ZKSCAN1: variants seen among roughly 807,000 people sequenced by gnomAD.
The protein encoded by ZKSCAN1 is zinc finger protein with KRAB and SCAN domains 1.
ZKSCAN1 carries 14 observed loss-of-function variants against 51.6 expected under a neutral mutation model. The observed-to-expected ratio is 0.27, with a 90% confidence interval of 0.18 to 0.42. The LOEUF (loss-of-function observed/expected upper bound fraction) is 0.42, where lower values mean the gene tolerates loss of function less well. ZKSCAN1 is among the 10% of genes least tolerant of loss of function. ZKSCAN1 has a pLI of 1.00. For missense variants in ZKSCAN1, 531 were observed against 710.0 expected (o/e 0.75, Z 2.86); for synonymous variants, 263 against 261.5 (o/e 1.01, Z -0.06).
chr7:100,017,299 T>C (rs1037154658), intron 1 of ZKSCAN1, among the ~76,000 whole-genome samples: 3 of 152,172 alleles, frequency 2.0e-5, no homozygotes, highest in Non-Finnish European at 4.4e-5. Flanking sequence ...CTCGGCTTAC[T>C]GCAACCTCTG....
At chr7:100,030,201 T>G in intron 4 of ZKSCAN1, 48 bp from the exon 5 acceptor site, 2 of 1,597,424 alleles carry the variant, frequency 1.3e-6, no homozygotes, top group Non-Finnish European at 1.7e-6. Context: ...GCAATGGGAT[T>G]GTCCCTGAGT....
Position 100,035,874 on chromosome 7 carries a change from A to G in ZKSCAN1, c.*1677A>G. ...GAGATTGTGAGCTGTGTAAGTAGTCATCGCCACTCAAGTAGGACAAGGGTC... is the reference window on the plus strand; with the variant it reads ...GAGATTGTGAGCTGTGTAAGTAGTCGTCGCCACTCAAGTAGGACAAGGGTC... On this transcript the variant is annotated 3_prime_UTR_variant, in exon 6 of 6. Transcript: ENST00000324306. 2 of 985,446 alleles carry G rather than the reference A, an allele frequency of 2.0e-6. No homozygotes were observed. Among genetic ancestry groups the G allele is most frequent in the Non-Finnish European group, 1.2e-6 (1 of 829,950 alleles). The allele number at this position is 985,446 out of a possible 1,614,324, so 61.0% of individuals were successfully genotyped here.
intron 1 of ZKSCAN1, among the ~76,000 whole-genome samples, chr7:100,016,613 A>G (rs1356523824): frequency 6.6e-6 from 1 of 152,166 alleles, no homozygotes; most frequent in Non-Finnish European, 1.5e-5. Context: ...GGTCAATGTA[A>G]TTGAAGAATT....
Position 100,040,992 on chromosome 7 carries a change from G to C in ZKSCAN1, c.*6795G>C. 1 of 985,332 alleles carries C rather than the reference G, an allele frequency of 1.0e-6. No homozygotes were observed. Among genetic ancestry groups the C allele is most frequent in the South Asian group, 4.7e-5 (1 of 21,286 alleles). 61.0% of individuals were successfully genotyped at this position (985,332 alleles called of 1,614,324 possible). A position where few individuals can be genotyped will look rare whatever the true frequency, so the allele number is the denominator to read the frequency against. ...GAGTTTGGGGGTAAGGGGTGGGATAGCCAAGCAAAATCAGTAATTATTTTA... is the reference window on the plus strand; with the variant it reads ...GAGTTTGGGGGTAAGGGGTGGGATACCCAAGCAAAATCAGTAATTATTTTA... On this transcript the variant is annotated 3_prime_UTR_variant, in exon 6 of 6. Transcript: ENST00000324306.
chr7:100,025,267 T>C (rs1460721383), intron 3 of ZKSCAN1, among the ~76,000 whole-genome samples: 1 of 141,870 alleles, frequency 7.0e-6, no homozygotes, highest in Admixed American at 7.2e-5. Flanking sequence ...TTATTTAAAA[T>C]ATATAAAAAT....
chr7:100,041,212 CGTGCTT>C lies in ZKSCAN1; in HGVS notation c.*7018_*7023del, dbSNP rs1791580295. On this transcript the variant is annotated 3_prime_UTR_variant, in exon 6 of 6. Coordinates refer to ENST00000324306, the MANE Select transcript of ZKSCAN1 (RefSeq NM_003439.4). ...GAATAAATTAGACCAAAAGAAGAAA[CGTGCTT>C]GTCTCTGTATACCCGCAGAATGAAG... is the stretch of plus-strand genomic sequence containing the variant. 2.6e-6 allele frequency: 2 copies of C among 766,052 alleles called. No individual in the cohort carries two copies. Among genetic ancestry groups the C allele is most frequent in the African/African-American group, 3.8e-5 (2 of 52,878 alleles). The allele number at this position is 766,052 out of a possible 1,614,324, so 47.5% of individuals were successfully genotyped here. A position where few individuals can be genotyped will look rare whatever the true frequency, so the allele number is the denominator to read the frequency against.
intron 3 of ZKSCAN1, 23 bp from the exon 4 acceptor site, chr7:100,029,838 A>T: frequency 6.2e-7 from 1 of 1,611,166 alleles, no homozygotes; most frequent in South Asian, 1.1e-5. Context: ...TGATTTACTC[A>T]CAGACCCTTT....
At chr7:100,042,525 G>C (rs982291730), downstream of ZKSCAN1, among the ~76,000 whole-genome samples, 1 of 151,996 alleles carries the variant, frequency 6.6e-6, no homozygotes, top group Non-Finnish European at 1.5e-5. Context: ...AGACTCCACA[G>C]GTTGTGGGCT....
At chr7:100,024,404 G>A in intron 3 of ZKSCAN1, 97 bp downstream of exon 3, 2 of 1,458,000 alleles carry the variant, frequency 1.4e-6, no homozygotes, top group South Asian at 1.3e-5. Context: ...GTTAGTCCTG[G>A]GCAACGTAGC....
chr7:100,031,569 C>G (rs899612647), intron 5 of ZKSCAN1, among the ~76,000 whole-genome samples: 2 of 152,138 alleles, frequency 1.3e-5, no homozygotes, highest in South Asian at 4.1e-4. Context: ...GAGTGAGCCA[C>G]TGCACCTGGT....
rs1790721995 is a variant in ZKSCAN1, at chr7:100,024,278, C to T, written c.551C>T (p.Ser184Phe). The change falls in exon 3 of 6, where the codon TCT becomes TTT. Residue 184 changes from serine to phenylalanine, a missense_variant. By Grantham distance (155) the Ser-to-Phe change is radical. Transcript: ENST00000324306. ...EATQSHFKHS[S>F]RKPRLLQSRA... is the part of the protein sequence containing the mutation. ...ACCCAGTCCCACTTCAAACATTCGT[C>T]TCGGAAACCCCGCCTCTTACAGTCA... 3.1e-6 allele frequency: 5 copies of T among 1,613,936 alleles called. No homozygotes were observed. Among genetic ancestry groups the T allele is most frequent in the African/African-American group, 1.3e-5 (1 of 74,866 alleles).
Position 100,039,744 on chromosome 7 carries a change from A to G in ZKSCAN1, c.*5547A>G, listed in dbSNP as rs1791515227. On this transcript the variant is annotated 3_prime_UTR_variant, in exon 6 of 6. Coordinates refer to ENST00000324306, the MANE Select transcript of ZKSCAN1 (RefSeq NM_003439.4). Reference sequence around the variant, plus strand: ...AGCAGTACTTCCCAGGGTGGGGGCCATATTTCTCTGTGTCCTACTCTGAGC... The same window carrying G: ...AGCAGTACTTCCCAGGGTGGGGGCCGTATTTCTCTGTGTCCTACTCTGAGC... The G allele has an allele frequency of 6.1e-6, 6 of 985,412 alleles. No homozygotes were observed. The highest frequency in any genetic ancestry group is 4.7e-5 in the South Asian group (1 of 21,278). The allele number at this position is 985,412 out of a possible 1,614,324, so 61.0% of individuals were successfully genotyped here.
rs753412904 is a variant in ZKSCAN1 at position 100,023,616 on chromosome 7, T to C, written c.110T>C (p.Met37Thr). Residue 37 changes from methionine (M) to threonine (T), a missense_variant, in exon 2 of 6, where the codon ATG becomes ACG. Met to Thr is a moderately conservative substitution (Grantham distance 81, BLOSUM62 -1). Coordinates refer to ENST00000324306, the MANE Select transcript of ZKSCAN1 (RefSeq NM_003439.4). ...KVEEEDEEDH[M>T]WGQDSTLQDT... ...GAAGAGGAAGATGAGGAAGACCACA[T>C]GTGGGGGCAGGATTCCACCCTACAG... is the stretch of plus-strand genomic sequence containing the variant. 9 of 1,613,970 alleles carry C rather than the reference T, an allele frequency of 5.6e-6. No homozygotes were observed. Among genetic ancestry groups the C allele is most frequent in the South Asian group, 3.3e-5 (3 of 91,056 alleles).
At chr7:100,032,184 CCA>C (rs1392454777) in intron 5 of ZKSCAN1, among the ~76,000 whole-genome samples, 1 of 152,188 alleles carries the variant, frequency 6.6e-6, no homozygotes, top group Non-Finnish European at 1.5e-5. Flanking sequence ...TCTGCTAATA[CCA>C]CTAATCATTT....
Position 100,040,737 on chromosome 7 carries a change from G to T in ZKSCAN1, c.*6540G>T, listed in dbSNP as rs984879007. The T allele has an allele frequency of 1.0e-6, 1 of 985,516 alleles. No homozygotes were observed. Among genetic ancestry groups the T allele is most frequent in the African/African-American group, 1.7e-5 (1 of 57,386 alleles). The allele number at this position is 985,516 out of a possible 1,614,324, so 61.0% of individuals were successfully genotyped here. A position where few individuals can be genotyped will look rare whatever the true frequency, so the allele number is the denominator to read the frequency against. ...CCTGAGGAGGGGCCGAGGAAAGGCT[G>T]TTGGGGTGTGCTGGGGTTGGTACCC... is the stretch of plus-strand genomic sequence containing the variant. On this transcript the variant is annotated 3_prime_UTR_variant, in exon 6 of 6. Coordinates refer to ENST00000324306, the MANE Select transcript of ZKSCAN1 (RefSeq NM_003439.4).
chr7:100,026,437 A>G (rs962281732), intron 3 of ZKSCAN1, among the ~76,000 whole-genome samples: 13 of 152,074 alleles, frequency 8.5e-5, no homozygotes, highest in African/African-American at 2.9e-4. Flanking sequence ...TGTTTCTTCA[A>G]TAATAAATCA....
rs1206166786 is a variant in ZKSCAN1, at chr7:100,034,151, C to T, written c.1646C>T (p.Pro549Leu). The T allele has an allele frequency of 6.4e-7, 1 of 1,551,870 alleles. No individual in the cohort carries two copies. The highest frequency in any genetic ancestry group is 8.7e-7 in the Non-Finnish European group (1 of 1,155,708). Residue 549 changes from proline (P) to leucine (L), a missense_variant, in exon 6 of 6, where the codon CCA becomes CTA. Pro to Leu is a moderately conservative substitution (Grantham distance 98, BLOSUM62 -3). This residue lies in a region of ZKSCAN1 where 128 missense variants were observed against 219.5 expected (regional missense o/e 0.58). Coordinates refer to ENST00000324306, the MANE Select transcript of ZKSCAN1 (RefSeq NM_003439.4). ...AGAGAGAGAGCCTCTGAGTACAGCCCAGCCTCCCTTGATGCATTTGGCGCG... is the reference window on the plus strand; with the variant it reads ...AGAGAGAGAGCCTCTGAGTACAGCCTAGCCTCCCTTGATGCATTTGGCGCG... ...HARERASEYSPASLDAFGAFL... is the reference protein window; with the variant it reads ...HARERASEYSLASLDAFGAFL...
downstream of ZKSCAN1, chr7:100,041,742 T>C (rs990263854): frequency 3.6e-5 from 35 of 985,190 alleles, no homozygotes; most frequent in Non-Finnish European, 4.1e-5. Context: ...CTTGGTTGCA[T>C]AAATACACAT....
chr7:100,032,621 G>T (rs1791156697), intron 5 of ZKSCAN1, among the ~76,000 whole-genome samples: 1 of 152,220 alleles, frequency 6.6e-6, no homozygotes, highest in Non-Finnish European at 1.5e-5. Context: ...ATCACTTTGG[G>T]AGGCCAGGGC....
Sources: allele counts gnomAD v4.1 joint callset (sites outside exome capture counted in the v4.1 genomes callset), GRCh38; gene constraint gnomAD v4.1.1; regional missense constraint gnomAD v4.1.1; transcripts MANE v1.5; gene names NCBI Gene and HGNC (gene_info 2026-07-23, HGNC 2026-07-21).